The following MYO3A variants were observed in gnomAD, a reference collection of about 807,000 sequenced individuals.
MYO3A encodes myosin IIIA.
In MYO3A, 180 loss-of-function variants were observed where a neutral mutation model predicts 192.7. That is an observed-to-expected ratio of 0.93 (90% confidence interval 0.83 to 1.06). The LOEUF (loss-of-function observed/expected upper bound fraction) is 1.06, where lower values mean the gene tolerates loss of function less well. Among genes scored for constraint, MYO3A ranks in the 50% least tolerant of loss-of-function variants. The pLI, the probability that MYO3A is intolerant of heterozygous loss-of-function variation, is 0.00. For missense variants in MYO3A, 1,896 were observed against 1,905.0 expected (o/e 1.00, Z 0.09); for synonymous variants, 628 against 645.3 (o/e 0.97, Z 0.41).
At chr10:26,194,326 C>T (rs958690928) in intron 32 of MYO3A, among the ~76,000 whole-genome samples, 2 of 152,140 alleles carry the variant, frequency 1.3e-5, no homozygotes, top group Non-Finnish European at 2.9e-5. Context: ...AGGCCTTCTT[C>T]GTGGGACCCG....
chr10:25,969,288 T>C (rs1166266312), intron 4 of MYO3A, among the ~76,000 whole-genome samples: 1 of 152,182 alleles, frequency 6.6e-6, no homozygotes, highest in East Asian at 1.9e-4. Flanking sequence ...TTGTTATAAT[T>C]GTTCCATTTT....
chr10:26,035,644 A>G (rs1230439004), intron 10 of MYO3A, among the ~76,000 whole-genome samples: 2 of 152,204 alleles, frequency 1.3e-5, no homozygotes, highest in Non-Finnish European at 2.9e-5. Flanking sequence ...AGGAAACTAA[A>G]TCCCAGAGAA....
intron 15 of MYO3A, among the ~76,000 whole-genome samples, chr10:26,094,994 C>G (rs924484052): frequency 3.9e-5 from 6 of 151,996 alleles, no homozygotes; most frequent in African/African-American, 1.2e-4. Flanking sequence ...TCATTGGCCC[C>G]CTAAGTTTGC....
chr10:26,080,508 T>C (rs1001810115), intron 14 of MYO3A, among the ~76,000 whole-genome samples: 3 of 150,824 alleles, frequency 2.0e-5, no homozygotes, highest in Admixed American at 1.3e-4. Flanking sequence ...ATAACTAACC[T>C]CTTGAATTCT....
chr10:25,946,142 A>G (rs1280434975), intron 2 of MYO3A, among the ~76,000 whole-genome samples: 1 of 152,152 alleles, frequency 6.6e-6, no homozygotes, highest in Non-Finnish European at 1.5e-5. Context: ...TTACAATACT[A>G]CTGGGTTTGA....
intron 2 of MYO3A, among the ~76,000 whole-genome samples, chr10:25,936,198 C>T (rs923336474): frequency 6.6e-6 from 1 of 151,808 alleles, no homozygotes; most frequent in Admixed American, 6.6e-5. Flanking sequence ...TTGATAGCAT[C>T]ATCTTGTCCT....
At chr10:26,049,813 C>A (rs1196124169) in intron 10 of MYO3A, among the ~76,000 whole-genome samples, 3 of 150,754 alleles carry the variant, frequency 2.0e-5, no homozygotes, top group African/African-American at 7.3e-5. Flanking sequence ...GTAGCTGGGA[C>A]TACAGGCACC....
At chr10:26,023,652 A>G (rs571950964) in intron 8 of MYO3A, among the ~76,000 whole-genome samples, 3 of 152,258 alleles carry the variant, frequency 2.0e-5, no homozygotes, top group East Asian at 3.9e-4. Context: ...TGTTCCCTGG[A>G]TGTTCCTCAG....
At chr10:26,151,817 A>G (rs1382149529) in intron 23 of MYO3A, among the ~76,000 whole-genome samples, 1 of 152,220 alleles carries the variant, frequency 6.6e-6, no homozygotes, top group East Asian at 1.9e-4. Context: ...AGCTGGCACA[A>G]TCAGAGGGCT....
chr10:25,990,393 T>G (rs74496617), intron 4 of MYO3A, among the ~76,000 whole-genome samples: 6,554 of 152,264 alleles, frequency 0.043, 181 homozygotes, highest in Middle Eastern at 0.068. Context: ...ATTGCACTAT[T>G]GATTAAACTA....
At chr10:26,075,897 T>TATA (rs1443462070) in intron 14 of MYO3A, among the ~76,000 whole-genome samples, 5 of 151,414 alleles carry the variant, frequency 3.3e-5, no homozygotes, top group Non-Finnish European at 5.9e-5. Flanking sequence ...CACTCATTGA[T>TATA]TTATGGGCAT....
At chr10:26,134,965 C>T (rs374990765) in intron 20 of MYO3A, among the ~76,000 whole-genome samples, 29 of 152,284 alleles carry the variant, frequency 1.9e-4, no homozygotes, top group African/African-American at 7.0e-4. Context: ...CTGTTGCAAA[C>T]GTTCTGTCCA....
chr10:26,109,894 G>A (rs888774661), intron 17 of MYO3A, among the ~76,000 whole-genome samples: 2 of 152,110 alleles, frequency 1.3e-5, no homozygotes, highest in African/African-American at 4.8e-5. Context: ...AATCTGGAAG[G>A]CTATTTCCAG....
At position 25,997,541 on chromosome 10, in the gene MYO3A, G is replaced by A. The variant is rs79266743; in HGVS notation, c.508+283G>A. 0.011 allele frequency among the ~76,000 whole-genome samples: 1,723 copies of A among 152,252 alleles called. 36 individuals carry two copies. Among genetic ancestry groups the A allele is most frequent in the African/African-American group, 0.037 (1,537 of 41,534 alleles). ...ACAGCATCTCAAATGATTACTGTAAGCCTATAATGACAATCTCATGGTTCC... is the reference window on the plus strand; with the variant it reads ...ACAGCATCTCAAATGATTACTGTAAACCTATAATGACAATCTCATGGTTCC... On this transcript the variant is annotated intron_variant, in intron 6 of 34. Coordinates refer to ENST00000642920, the MANE Select transcript of MYO3A (RefSeq NM_017433.5).
chr10:26,179,367 T>G (rs1307011052), intron 31 of MYO3A, among the ~76,000 whole-genome samples: 1 of 152,016 alleles, frequency 6.6e-6, no homozygotes, highest in African/African-American at 2.4e-5. Flanking sequence ...CCTCCCAAAG[T>G]GCTGGGATTA....
Position 26,128,577 on chromosome 10 carries a change from T to A in MYO3A, c.2262+39T>A, listed in dbSNP as rs983461295. 3.8e-6 allele frequency: 6 copies of A among 1,566,614 alleles called. No individual in the cohort carries two copies. The African/African-American group carries it at 5.4e-5, about 14-fold the overall frequency. On this transcript the variant is annotated intron_variant, in intron 20 of 34. Coordinates refer to ENST00000642920, the MANE Select transcript of MYO3A (RefSeq NM_017433.5). ...CTTACTATAAATATGCATGCATGCA[T>A]GTATTATAGGCAGACTTGTACAAAT... is the stretch of plus-strand genomic sequence containing the variant.
chr10:26,197,156 G>T (rs938672357), intron 32 of MYO3A, among the ~76,000 whole-genome samples: 1 of 152,160 alleles, frequency 6.6e-6, no homozygotes, highest in Non-Finnish European at 1.5e-5. Context: ...CAGGAGACAC[G>T]AGCTCAGTCT....
intron 10 of MYO3A, among the ~76,000 whole-genome samples, chr10:26,046,357 A>G (rs1843637561): frequency 6.6e-6 from 1 of 152,210 alleles, no homozygotes. Context: ...AGAAAAAACT[A>G]CACACATCTG....
At chr10:25,967,829 G>A (rs1838357080) in intron 4 of MYO3A, among the ~76,000 whole-genome samples, 1 of 152,246 alleles carries the variant, frequency 6.6e-6, no homozygotes, top group Admixed American at 6.5e-5. Context: ...AGGTTTAACA[G>A]CACAATAGGC....
Sources: allele counts gnomAD v4.1 joint callset (sites outside exome capture counted in the v4.1 genomes callset), GRCh38; gene constraint gnomAD v4.1.1; transcripts MANE v1.5; gene names NCBI Gene and HGNC (gene_info 2026-07-23, HGNC 2026-07-21).